The following ITGB1BP1 variants were observed in gnomAD, a reference collection of about 807,000 sequenced individuals.
The protein encoded by ITGB1BP1 is integrin subunit beta 1 binding protein 1.
A neutral mutation model predicts 28.0 loss-of-function variants in ITGB1BP1; 20 were observed. The ratio of observed to expected loss-of-function variants is 0.71; its 90% CI spans 0.50 to 1.04. The LOEUF is 1.04. Among genes scored for constraint, ITGB1BP1 ranks in the 50% least tolerant of loss-of-function variants. ITGB1BP1 has a pLI of 0.00. For missense variants in ITGB1BP1, 228 were observed against 242.5 expected (o/e 0.94, Z 0.40); for synonymous variants, 103 against 89.5 (o/e 1.15, Z -0.85).
At chr2:9,407,195 T>C (rs1237371230) in intron 6 of ITGB1BP1, 7 of 602,668 alleles carry the variant, frequency 1.2e-5, no homozygotes, top group Non-Finnish European at 2.1e-5. Flanking sequence ...CCCTGGAGGA[T>C]ACATTTTTCC....
chr2:9,413,208 A>G (rs1188528237), intron 3 of ITGB1BP1, among the ~76,000 whole-genome samples: 1 of 152,266 alleles, frequency 6.6e-6, no homozygotes, highest in African/African-American at 2.4e-5. Context: ...ATTTTCTGTT[A>G]CAGATTCACT....
intron 4 of ITGB1BP1, among the ~76,000 whole-genome samples, chr2:9,411,556 T>C (rs931489721): frequency 1.3e-5 from 2 of 151,726 alleles, no homozygotes; most frequent in Non-Finnish European, 2.9e-5. Flanking sequence ...ACCCCATCTC[T>C]ACTAAAATAC....
In ITGB1BP1 at chr2:9,408,118, G is replaced by A. The variant is rs377061852; in HGVS notation, c.376C>T (p.Gln126Ter). The A allele has an allele frequency of 6.8e-7, 1 of 1,480,508 alleles. No individual in the cohort carries two copies. The highest frequency in any genetic ancestry group is 1.4e-5 in the African/African-American group (1 of 72,344). 91.7% of individuals were successfully genotyped at this position (1,480,508 alleles called of 1,614,324 possible). ...TAATAAATTATATTACTTACATATT[G>A]ATCTGATGTTGATACTTTTATGCCA... Reference protein sequence around the residue: ...KYGIKVSTSDQYDVLHRHALY... With the variant: ...KYGIKVSTSD The change falls in exon 5 of 7, where the codon CAA becomes TAA. Residue 126 changes from glutamine (Q) to a stop codon, truncating the protein, a stop_gained. Transcript: ENST00000355346. LOFTEE classifies it high-confidence loss of function.
chr2:9,407,602 C>CAGAA lies in ITGB1BP1; in HGVS notation c.382-8_382-5dup, dbSNP rs1395445557. 1 of 1,614,034 alleles carries CAGAA rather than the reference C, an allele frequency of 6.2e-7. No homozygotes were observed. The highest frequency in any genetic ancestry group is 8.5e-7 in the Non-Finnish European group (1 of 1,180,004). Reference sequence around the variant, plus strand: ...GAGCATGCCTGTGCAAAACATCCTGCAGAAGTCAGGAAAGATTCCGAGAGA... The same window carrying CAGAA: ...GAGCATGCCTGTGCAAAACATCCTGCAGAAAGAAGTCAGGAAAGATTCCGAGAGA... On this transcript the variant is annotated splice_polypyrimidine_tract_variant and splice_region_variant and intron_variant, in intron 5 of 6. Coordinates refer to ENST00000355346, the MANE Select transcript of ITGB1BP1 (RefSeq NM_004763.5).
rs1455938830 is a variant in ITGB1BP1, at chr2:9,406,671, T to C, written c.*163A>G. On this transcript the variant is annotated 3_prime_UTR_variant, in exon 7 of 7. Coordinates refer to ENST00000355346, the MANE Select transcript of ITGB1BP1 (RefSeq NM_004763.5). ...CATTGAGAGTTAACTCACTGTGTAA[T>C]AGGACACATTTTAATAAACAAATGA... The C allele has an allele frequency of 3.2e-6, 2 of 632,448 alleles. No individual in the cohort carries two copies. Among genetic ancestry groups the C allele is most frequent in the South Asian group, 1.9e-5 (1 of 52,590 alleles). The allele number at this position is 632,448 out of a possible 1,614,324, so 39.2% of individuals were successfully genotyped here. A position where few individuals can be genotyped will look rare whatever the true frequency, so the allele number is the denominator to read the frequency against.
In ITGB1BP1 at chr2:9,406,809, G is replaced by T. The variant is rs374236019; in HGVS notation, c.*25C>A. 8 of 1,519,596 alleles carry T rather than the reference G, an allele frequency of 5.3e-6. No homozygotes were observed. Among genetic ancestry groups the T allele is most frequent in the African/African-American group, 1.4e-5 (1 of 73,124 alleles). 94.1% of individuals were successfully genotyped at this position (1,519,596 alleles called of 1,614,324 possible). ...GAAAACAGCTGAACTTTCAGATGAA[G>T]TTGACTTCTACTTGATTGCAGGATT... On this transcript the variant is annotated 3_prime_UTR_variant, in exon 7 of 7. Transcript: ENST00000355346.
At chr2:9,410,813 G>A (rs1483649876) in intron 4 of ITGB1BP1, among the ~76,000 whole-genome samples, 1 of 152,122 alleles carries the variant, frequency 6.6e-6, no homozygotes, top group East Asian at 1.9e-4. Flanking sequence ...CTGGGTTCAG[G>A]TGATCCCCCT....
intron 2 of ITGB1BP1, among the ~76,000 whole-genome samples, chr2:9,414,485 C>T (rs769958909): frequency 2.8e-4 from 42 of 152,158 alleles, no homozygotes; most frequent in African/African-American, 6.3e-4. Flanking sequence ...GACATAATAT[C>T]GGATAAATGC....
At chr2:9,421,766 A>C (rs1679892765) in intron 1 of ITGB1BP1, among the ~76,000 whole-genome samples, 1 of 151,872 alleles carries the variant, frequency 6.6e-6, no homozygotes, top group Non-Finnish European at 1.5e-5. Context: ...CCGCAGGCTC[A>C]TCAAATGCAA....
chr2:9,422,190 T>A (rs1679968789), intron 1 of ITGB1BP1, among the ~76,000 whole-genome samples: 2 of 152,180 alleles, frequency 1.3e-5, no homozygotes, highest in African/African-American at 4.8e-5. Flanking sequence ...GCCAAAACGA[T>A]TAAAATGATT....
intron 1 of ITGB1BP1, chr2:9,422,850 G>A: frequency 1.0e-6 from 1 of 986,088 alleles, no homozygotes; most frequent in Non-Finnish European, 1.2e-6. Context: ...ATGCCAAAGC[G>A]CCCGAAGAGT....
At chr2:9,407,329 T>A in intron 6 of ITGB1BP1, 120 bp downstream of exon 6, 3 of 1,154,406 alleles carry the variant, frequency 2.6e-6, no homozygotes, top group Non-Finnish European at 3.7e-6. Flanking sequence ...ATTCATTCAC[T>A]ATCCCCAGGC....
At position 9,423,395 on chromosome 2, in the gene ITGB1BP1, C is replaced by G; in HGVS notation, c.-58G>C. The G allele has an allele frequency of 1.8e-6, 2 of 1,141,114 alleles. No homozygotes were observed. Among genetic ancestry groups the G allele is most frequent in the Non-Finnish European group, 2.2e-6 (2 of 919,350 alleles). 70.7% of individuals were successfully genotyped at this position (1,141,114 alleles called of 1,614,324 possible). ...CACCTCGCAGCCGCGGGCCCATCCC[C>G]GGGTTGCGGACTTCGGGGTCCGCGT... On this transcript the variant is annotated 5_prime_UTR_variant, in exon 1 of 7. Coordinates refer to ENST00000355346, the MANE Select transcript of ITGB1BP1 (RefSeq NM_004763.5).
intron 1 of ITGB1BP1, 43 bp from the exon 2 acceptor site, chr2:9,418,775 AC>A: frequency 4.6e-6 from 6 of 1,315,036 alleles, no homozygotes; most frequent in East Asian, 2.3e-5. Context: ...GGGAAAAGCA[AC>A]TTTTTTTTTT....
rs1203534697 is a variant in ITGB1BP1 at position 9,405,124 on chromosome 2, G to C, written c.*1710C>G. ...TAGAACTCCAGTCCCAAACTAATCT[G>C]TCAGGTTCACTGGTACATAAATACC... On this transcript the variant is annotated 3_prime_UTR_variant, in exon 7 of 7. Coordinates refer to ENST00000355346, the MANE Select transcript of ITGB1BP1 (RefSeq NM_004763.5). The C allele has an allele frequency of 6.6e-6, 1 of 152,234 alleles. No homozygotes were observed. The highest frequency in any genetic ancestry group is 1.5e-5 in the Non-Finnish European group (1 of 68,014). The allele number at this position is 152,234 out of a possible 1,614,324, so 9.4% of individuals were successfully genotyped here.
At chr2:9,414,105 G>T in intron 3 of ITGB1BP1, 73 bp downstream of exon 3, 2 of 1,232,104 alleles carry the variant, frequency 1.6e-6, no homozygotes, top group South Asian at 1.2e-5. Context: ...AGAACTCATT[G>T]TGCTACCCCA....
rs577872746 is a variant in ITGB1BP1, at chr2:9,412,130, G to A, written c.288+139C>T. On this transcript the variant is annotated intron_variant, in intron 4 of 6. Transcript: ENST00000355346. ...CAGCTCAGCGCTCACGCACATGTGC[G>A]GTGGTGATGCGGGGACTTCAGTCGA... 1,589 of 690,628 alleles carry A rather than the reference G, an allele frequency of 2.3e-3. 39 individuals carry two copies. In the South Asian group the frequency reaches 0.025, roughly 11 times the overall value. The allele number at this position is 690,628 out of a possible 1,614,324, so 42.8% of individuals were successfully genotyped here. A position where few individuals can be genotyped will look rare whatever the true frequency, so the allele number is the denominator to read the frequency against.
In ITGB1BP1 at chr2:9,406,086, T is replaced by TCAC. The variant is rs1491320720; in HGVS notation, c.*747_*748insGTG. 2.3e-4 allele frequency: 18 copies of TCAC among 79,408 alleles called. No individual in the cohort carries two copies. Among genetic ancestry groups the TCAC allele is most frequent in the Non-Finnish European group, 3.4e-4 (12 of 35,094 alleles). 4.9% of individuals were successfully genotyped at this position (79,408 alleles called of 1,614,324 possible). ...GTCTTCCTCAGGCCTTCAGTGTGTG[T>TCAC]TTGTCACTGAGTGGACCTCTGTGAC... On this transcript the variant is annotated 3_prime_UTR_variant, in exon 7 of 7. Coordinates refer to ENST00000355346, the MANE Select transcript of ITGB1BP1 (RefSeq NM_004763.5).
At chr2:9,419,246 T>C (rs1426130513) in intron 1 of ITGB1BP1, among the ~76,000 whole-genome samples, 1 of 152,222 alleles carries the variant, frequency 6.6e-6, no homozygotes, top group Non-Finnish European at 1.5e-5. Flanking sequence ...CCTACAGGTG[T>C]GAAAAGCACT....
Sources: allele counts gnomAD v4.1 joint callset (sites outside exome capture counted in the v4.1 genomes callset), GRCh38; gene constraint gnomAD v4.1.1; transcripts MANE v1.5; gene names NCBI Gene and HGNC (gene_info 2026-07-23, HGNC 2026-07-21).